Variants in DNAJB12 observed in about 807,000 individuals in gnomAD.
DNAJB12 encodes the protein dnaJ homolog subfamily B member 12.
Under a neutral mutation model 40.6 loss-of-function variants are expected in DNAJB12, and 14 were observed. The ratio of observed to expected loss-of-function variants is 0.34; its 90% CI spans 0.23 to 0.54. The LOEUF (loss-of-function observed/expected upper bound fraction) is 0.54. Ranked by LOEUF, DNAJB12 falls within the 20% of genes least tolerant of loss-of-function variation. DNAJB12 has a pLI of 0.92. For synonymous variants in DNAJB12, 181 were observed against 199.5 expected, an observed-to-expected ratio of 0.91 and a Z score of 0.78; for missense variants, 444 against 501.7, an observed-to-expected ratio of 0.89 and a Z score of 1.10.
In DNAJB12 at chr10:72,336,404, G is replaced by A. The variant is rs963857851; in HGVS notation, c.1006+120C>T. 9.0e-4 allele frequency: 997 copies of A among 1,103,228 alleles called. 1 individual carries two copies. The highest frequency in any genetic ancestry group is 1.2e-3 in the Non-Finnish European group (944 of 757,412). The allele number at this position is 1,103,228 out of a possible 1,614,324, so 68.3% of individuals were successfully genotyped here. A position where few individuals can be genotyped will look rare whatever the true frequency, so the allele number is the denominator to read the frequency against. ...TTGTCTGGGAGGTGGCTGGTGCAGG[G>A]CAGTGCCAGGGGCTGGGCCCTCAGA... On this transcript the variant is annotated intron_variant, in intron 7 of 8. Coordinates refer to ENST00000444643, the MANE Select transcript of DNAJB12 (RefSeq NM_017626.7).
intron 1 of DNAJB12, among the ~76,000 whole-genome samples, chr10:72,351,778 G>C (rs189261719): frequency 9.4e-4 from 143 of 152,324 alleles, no homozygotes; most frequent in Non-Finnish European, 1.0e-3. Flanking sequence ...TGAGCTCCAG[G>C]GAACAGACGA....
In DNAJB12 at chr10:72,341,156, A is replaced by G. The variant is rs1351725159; in HGVS notation, c.472T>C (p.Tyr158His). Residue 158 changes from tyrosine (Y) to histidine (H), a missense_variant, in exon 4 of 9, where the codon TAT becomes CAT. Coordinates refer to ENST00000444643, the MANE Select transcript of DNAJB12 (RefSeq NM_017626.7). ...TEAFKAIGTA[Y>H]AVLSNPEKRK... Reference sequence around the variant, plus strand: ...TTCTCCGGGTTGCTGAGTACCGCATATGCTGTGCCAATGGCTGGAGAGGAG... The same window carrying G: ...TTCTCCGGGTTGCTGAGTACCGCATGTGCTGTGCCAATGGCTGGAGAGGAG... The G allele has an allele frequency of 6.2e-7, 1 of 1,607,454 alleles. No individual in the cohort carries two copies. Among genetic ancestry groups the G allele is most frequent in the Non-Finnish European group, 8.5e-7 (1 of 1,174,698 alleles).
At chr10:72,336,063 AG>A (rs1168369275) in intron 7 of DNAJB12, 132 bp from the exon 8 acceptor site, 1 of 1,134,174 alleles carries the variant, frequency 8.8e-7, no homozygotes, top group African/African-American at 1.5e-5. Context: ...GCCTCCCATT[AG>A]GAAGACCATG....
rs764531332 is a variant in DNAJB12 at position 72,335,819 on chromosome 10, C to A, written c.1119G>T (p.Leu373=). The change falls in exon 8 of 9, where the codon CTG becomes CTT. Residue 373 remains leucine, a synonymous_variant. Transcript: ENST00000444643. This position sits in a 1 kb window ranked among gnomAD's most constrained non-coding sequence, Gnocchi z 4.4. ...CSRLSEVQAS[L]HG Reference sequence around the variant, plus strand: ...TGTGGCTGGCCCAGGACTATCCATGCAGGGAGGCCTGCACCTCTGACAGTC... The same window carrying A: ...TGTGGCTGGCCCAGGACTATCCATGAAGGGAGGCCTGCACCTCTGACAGTC... The A allele has an allele frequency of 6.2e-7, 1 of 1,614,082 alleles. No homozygotes were observed. The highest frequency in any genetic ancestry group is 8.5e-7 in the Non-Finnish European group (1 of 1,179,946).
chr10:72,339,432 C>G (rs1386311385), intron 5 of DNAJB12, among the ~76,000 whole-genome samples: 2 of 151,658 alleles, frequency 1.3e-5, no homozygotes, highest in African/African-American at 2.4e-5. Flanking sequence ...TACGTAGGAG[C>G]CTGAGACAGG....
In DNAJB12 at chr10:72,343,516, G is replaced by A; in HGVS notation, c.312-5C>T. On this transcript the variant is annotated splice_region_variant and splice_polypyrimidine_tract_variant and intron_variant, in intron 2 of 8. Coordinates refer to ENST00000444643, the MANE Select transcript of DNAJB12 (RefSeq NM_017626.7). The stretch of plus-strand genomic sequence containing the variant: ...TAATCTTTACATTGCTTGACCCTGG[G>A]GAAGGAGGAGACCATGGTACGGGGT... 6.2e-7 allele frequency: 1 copy of A among 1,614,068 alleles called. No individual in the cohort carries two copies. The highest frequency in any genetic ancestry group is 2.2e-5 in the East Asian group (1 of 44,880).
At position 72,344,925 on chromosome 10, in the gene DNAJB12, C is replaced by G. The variant is rs139123747; in HGVS notation, c.311+25G>C. 71 of 1,613,874 alleles carry G rather than the reference C, an allele frequency of 4.4e-5. No individual in the cohort carries two copies. The East Asian group carries it at 1.3e-3, about 30-fold the overall frequency. ...TCTAGATTTCCCCAGTCTCCCCAGGCTCCAGCCCCTGCCCACCCATCTACC... is the reference window on the plus strand; with the variant it reads ...TCTAGATTTCCCCAGTCTCCCCAGGGTCCAGCCCCTGCCCACCCATCTACC... On this transcript the variant is annotated intron_variant, in intron 2 of 8. Transcript: ENST00000444643.
intron 1 of DNAJB12, chr10:72,353,573 T>C (rs1564825504): frequency 6.6e-6 from 1 of 152,252 alleles, no homozygotes. Context: ...TCACAGAACA[T>C]TTTACTTTCT....
Position 72,335,897 on chromosome 10 carries a change from G to A in DNAJB12, c.1041C>T (p.Gly347=), listed in dbSNP as rs575270915. 32 of 1,614,156 alleles carry A rather than the reference G, an allele frequency of 2.0e-5. No individual in the cohort carries two copies. The African/African-American group carries it at 3.1e-4, about 15-fold the overall frequency. ...EGLLYRARYF[G]DTDMYHRAQK... The stretch of plus-strand genomic sequence containing the variant: ...GTGCTCTGTGGTACATATCTGTGTC[G>A]CCAAAGTAGCGTGCCCGGTACAGCA... Residue 347 remains glycine (G), a synonymous_variant, in exon 8 of 9, where the codon GGC becomes GGT. Coordinates refer to ENST00000444643, the MANE Select transcript of DNAJB12 (RefSeq NM_017626.7). The surrounding 1 kb of genome is among the most constrained non-coding windows in gnomAD (Gnocchi z 4.4).
At chr10:72,351,887 TC>T (rs1461422110) in intron 1 of DNAJB12, among the ~76,000 whole-genome samples, 1 of 152,198 alleles carries the variant, frequency 6.6e-6, no homozygotes, top group Non-Finnish European at 1.5e-5. Context: ...GCTCATCTCT[TC>T]CCATCTCAGT....
chr10:72,352,158 C>T (rs974227051), intron 1 of DNAJB12, among the ~76,000 whole-genome samples: 3 of 152,200 alleles, frequency 2.0e-5, no homozygotes, highest in Admixed American at 6.5e-5. Flanking sequence ...CAACAGTGCC[C>T]GTACTTTATT....
At chr10:72,337,404 C>A (rs1018144264) in intron 6 of DNAJB12, among the ~76,000 whole-genome samples, 1 of 152,204 alleles carries the variant, frequency 6.6e-6, no homozygotes, top group African/African-American at 2.4e-5. Flanking sequence ...GGGGGACCCA[C>A]CCCACTGAAG....
intron 1 of DNAJB12, chr10:72,353,866 C>T (rs978493506): frequency 2.0e-5 from 3 of 152,232 alleles, no homozygotes; most frequent in African/African-American, 4.8e-5. Context: ...AGACGGTTTA[C>T]TGAGTGGTGA....
chr10:72,340,761 C>G (rs746496492), intron 5 of DNAJB12, 28 bp downstream of exon 5: 1 of 1,610,396 alleles, frequency 6.2e-7, no homozygotes. Context: ...GCCCTTCCCG[C>G]GCTGTCCCTG....
intron 4 of DNAJB12, 33 bp downstream of exon 4, chr10:72,340,952 G>T: frequency 6.2e-7 from 1 of 1,610,258 alleles, no homozygotes; most frequent in Non-Finnish European, 8.5e-7. Context: ...TCACCCCAGG[G>T]ATACCTGGCT....
At chr10:72,348,116 G>A (rs906856749) in intron 1 of DNAJB12, among the ~76,000 whole-genome samples, 15 of 151,924 alleles carry the variant, frequency 9.9e-5, no homozygotes, top group Non-Finnish European at 4.4e-5. Flanking sequence ...CCAGCTACTC[G>A]GGAGGCTGAG....
At chr10:72,350,107 T>C (rs1159425821) in intron 1 of DNAJB12, among the ~76,000 whole-genome samples, 1 of 151,960 alleles carries the variant, frequency 6.6e-6, no homozygotes, top group Non-Finnish European at 1.5e-5. Flanking sequence ...GAACCCAGAC[T>C]AGAGTTAGAT....
Position 72,335,248 on chromosome 10 carries a change from C to T in DNAJB12, c.*30+532G>A, listed in dbSNP as rs1056677075. 5 of 986,758 alleles carry T rather than the reference C, an allele frequency of 5.1e-6. No homozygotes were observed. The highest frequency in any genetic ancestry group is 6.0e-6 in the Non-Finnish European group (5 of 830,526). 61.1% of individuals were successfully genotyped at this position (986,758 alleles called of 1,614,324 possible). A position where few individuals can be genotyped will look rare whatever the true frequency, so the allele number is the denominator to read the frequency against. ...CCAGCTCCCACCCACCTCGTGGCTG[C>T]CTGTTCATCTTGCTCCATTTCCTCC... is the stretch of plus-strand genomic sequence containing the variant. On this transcript the variant is annotated intron_variant, in intron 8 of 8. Coordinates refer to ENST00000444643, the MANE Select transcript of DNAJB12 (RefSeq NM_017626.7). This position sits in a 1 kb window ranked among gnomAD's most constrained non-coding sequence, Gnocchi z 4.4.
At chr10:72,341,286 G>A (rs767474761) in intron 3 of DNAJB12, 116 bp from the exon 4 acceptor site, 47 of 993,876 alleles carry the variant, frequency 4.7e-5, no homozygotes, top group African/African-American at 6.5e-5. Flanking sequence ...GGAAGCAGAC[G>A]TCCTTGGGGT....
Sources: allele counts gnomAD v4.1 joint callset (sites outside exome capture counted in the v4.1 genomes callset), GRCh38; gene constraint gnomAD v4.1.1; non-coding constraint Gnocchi (gnomAD v3.1); transcripts MANE v1.5; gene names NCBI Gene and HGNC (gene_info 2026-07-23, HGNC 2026-07-21).